Variants in JARID2 observed in about 807,000 individuals in gnomAD.
The protein encoded by JARID2 is protein Jumonji.
In JARID2, 21 loss-of-function variants were observed where a neutral mutation model predicts 125.6. The ratio of observed to expected loss-of-function variants is 0.17; its 90% CI spans 0.12 to 0.24. The LOEUF (loss-of-function observed/expected upper bound fraction) is 0.24. Ranked by LOEUF, JARID2 falls within the 10% of genes least tolerant of loss-of-function variation. The pLI is 1.00. For synonymous variants in JARID2, 736 were observed against 661.6 expected (o/e 1.11, Z -1.73); for missense variants, 1,303 against 1,639.6 (o/e 0.79, Z 3.55).
intron 5 of JARID2, 122 bp downstream of exon 5, chr6:15,468,840 C>A (rs1768876180): frequency 3.4e-6 from 3 of 888,104 alleles, no homozygotes; most frequent in East Asian, 2.6e-5. Flanking sequence ...TTCTCCAGGG[C>A]CAGACACTTC....
Position 15,513,374 on chromosome 6 carries a change from G to C in JARID2, c.3402G>C (p.Thr1134=), listed in dbSNP as rs201678814. 28 of 1,613,182 alleles carry C rather than the reference G, an allele frequency of 1.7e-5. No homozygotes were observed. The highest frequency in any genetic ancestry group is 2.4e-5 in the Non-Finnish European group (28 of 1,179,618). Residue 1134 remains threonine, a synonymous_variant, in exon 16 of 18, where the codon ACG becomes ACC. Transcript: ENST00000341776. ...CTCGAAAGTGGCTGCAGTTGGAGAC[G>C]TCAGAGAGGAGGTGTCAGATCTGCC... ...KKPRKWLQLE[T]SERRCQICQH...
intron 1 of JARID2, among the ~76,000 whole-genome samples, chr6:15,333,122 C>T (rs1243638018): frequency 3.3e-5 from 5 of 151,620 alleles, no homozygotes; most frequent in East Asian, 1.9e-4. Flanking sequence ...TTAGTAGAGA[C>T]GGGGTTTCAC....
At chr6:15,393,144 CT>C (rs1280201504) in intron 2 of JARID2, among the ~76,000 whole-genome samples, 1 of 152,116 alleles carries the variant, frequency 6.6e-6, no homozygotes, top group Non-Finnish European at 1.5e-5. Context: ...GGCAGGAAGT[CT>C]TTCTGGGTAT....
chr6:15,275,407 TCA>T (rs1016416850), intron 1 of JARID2, among the ~76,000 whole-genome samples: 1 of 152,028 alleles, frequency 6.6e-6, no homozygotes, highest in Admixed American at 6.6e-5. Context: ...ACCGGTTAAT[TCA>T]CAGTCACCTG....
At chr6:15,427,636 C>G (rs138763349) in intron 3 of JARID2, among the ~76,000 whole-genome samples, 84 of 152,252 alleles carry the variant, frequency 5.5e-4, no homozygotes, top group African/African-American at 1.9e-3. Context: ...TTTCACACCC[C>G]CAAAGGACAA....
At chr6:15,444,735 A>ATTT (rs5874512) in intron 3 of JARID2, among the ~76,000 whole-genome samples, 46 of 91,912 alleles carry the variant, frequency 5.0e-4, no homozygotes, top group East Asian at 9.3e-4. Flanking sequence ...GAACTGTCTG[A>ATTT]TTTTTTTTTT....
chr6:15,374,015 C>A, intron 1 of JARID2, 102 bp from the exon 2 acceptor site: 2 of 1,338,860 alleles, frequency 1.5e-6, no homozygotes, highest in Non-Finnish European at 2.1e-6. Flanking sequence ...CGTGGTCACA[C>A]AGTACGTGTT....
chr6:15,435,758 G>A (rs995005221), intron 3 of JARID2, among the ~76,000 whole-genome samples: 2 of 151,614 alleles, frequency 1.3e-5, no homozygotes, highest in Non-Finnish European at 2.9e-5. Context: ...ATTTGAAATC[G>A]AGTAGATTAA....
At chr6:15,449,712 A>G (rs1415682984) in intron 3 of JARID2, among the ~76,000 whole-genome samples, 3 of 152,030 alleles carry the variant, frequency 2.0e-5, no homozygotes, top group South Asian at 2.1e-4. Context: ...AATGACCTAC[A>G]TTGTTTGTAG....
At chr6:15,350,556 C>T (rs975949253) in intron 1 of JARID2, among the ~76,000 whole-genome samples, 1 of 152,106 alleles carries the variant, frequency 6.6e-6, no homozygotes, top group Non-Finnish European at 1.5e-5. Context: ...GACAAACAAC[C>T]CATTTGCATC....
chr6:15,271,458 GAAGGGTAGGGTTCCCAAT>G (rs1383528735), intron 1 of JARID2, among the ~76,000 whole-genome samples: 1 of 152,144 alleles, frequency 6.6e-6, no homozygotes, highest in Admixed American at 6.5e-5. Flanking sequence ...CCTGAGCATC[GAAGGGTAGGGTTCCCAAT>G]AAGATCTCTG....
chr6:15,455,031 A>G (rs1274751107), intron 4 of JARID2, among the ~76,000 whole-genome samples: 1 of 152,072 alleles, frequency 6.6e-6, no homozygotes, highest in Non-Finnish European at 1.5e-5. Flanking sequence ...ATCAGCAGCA[A>G]TGTGATTCAG....
intron 17 of JARID2, among the ~76,000 whole-genome samples, chr6:15,518,995 T>C (rs1771697585): frequency 6.6e-6 from 1 of 152,156 alleles, no homozygotes; most frequent in Non-Finnish European, 1.5e-5. Context: ...GGTGAAGCTC[T>C]CTGGGGAGTT....
At position 15,513,565 on chromosome 6, in the gene JARID2, C is replaced by T. The variant is rs1009338365; in HGVS notation, c.3450+143C>T. ...TCTGGAGCCGGCTGTGGGACCTCGG[C>T]GGAGCTTCTGGCCGCCGGAGGTGGC... On this transcript the variant is annotated intron_variant, in intron 16 of 17. Coordinates refer to ENST00000341776, the MANE Select transcript of JARID2 (RefSeq NM_004973.4). 2.8e-5 allele frequency: 23 copies of T among 825,566 alleles called. 1 individual carries two copies. Among genetic ancestry groups the T allele is most frequent in the South Asian group, 2.7e-4 (14 of 52,210 alleles). The allele number at this position is 825,566 out of a possible 1,614,324, so 51.1% of individuals were successfully genotyped here.
rs66481311 is a variant in JARID2 at position 15,424,133 on chromosome 6, C to CTTTT, written c.323+13781_323+13784dup. ...TGTATGTATTCATCCCTGGCTGCCTCTTTTTTTTTTTTTTTTAAGAGATGG... is the reference window on the plus strand; with the variant it reads ...TGTATGTATTCATCCCTGGCTGCCTCTTTTTTTTTTTTTTTTTTTTAAGAGATGG... On this transcript the variant is annotated intron_variant, in intron 3 of 17. Coordinates refer to ENST00000341776, the MANE Select transcript of JARID2 (RefSeq NM_004973.4). Among the ~76,000 whole-genome samples, 862 of 141,174 alleles carry CTTTT rather than the reference C, an allele frequency of 6.1e-3. 7 individuals are homozygous for CTTTT. The highest frequency in any genetic ancestry group is 0.018 in the Middle Eastern group (5 of 272). The allele number at this position is 141,174 out of a possible 152,430, so 92.6% of individuals were successfully genotyped here. A position where few individuals can be genotyped will look rare whatever the true frequency, so the allele number is the denominator to read the frequency against.
intron 2 of JARID2, among the ~76,000 whole-genome samples, chr6:15,395,917 C>T (rs910883502): frequency 6.6e-6 from 1 of 152,192 alleles, no homozygotes; most frequent in Non-Finnish European, 1.5e-5. Flanking sequence ...CCCGCCTTGG[C>T]CTCCCTAAGT....
In JARID2 at chr6:15,343,808, G is replaced by T. The variant is rs138790431; in HGVS notation, c.46-30309G>T. Among the ~76,000 whole-genome samples, 25 of 152,346 alleles carry T rather than the reference G, an allele frequency of 1.6e-4. No individual in the cohort carries two copies. In the East Asian group the frequency reaches 4.8e-3, roughly 29 times the overall value. ...CCAGCTAGACAAGCAAGTGCTGGTG[G>T]TGAGTTGTTAGATTAAAAAAACAAA... On this transcript the variant is annotated intron_variant, in intron 1 of 17. Transcript: ENST00000341776.
chr6:15,485,195 T>TC (rs1375262218), intron 5 of JARID2, among the ~76,000 whole-genome samples: 1 of 152,242 alleles, frequency 6.6e-6, no homozygotes, highest in Non-Finnish European at 1.5e-5. Context: ...GGTCTTTCCT[T>TC]CAGTATTTTA....
chr6:15,322,856 CAAAAT>C (rs1193673449), intron 1 of JARID2, among the ~76,000 whole-genome samples: 1 of 152,142 alleles, frequency 6.6e-6, no homozygotes, highest in Non-Finnish European at 1.5e-5. Context: ...TGTCTTCAAA[CAAAAT>C]AAAACTTTCC....
Sources: gnomAD v4.1 joint callset for allele counts (sites outside exome capture counted in the v4.1 genomes callset) on GRCh38, gnomAD v4.1.1 for gene constraint, MANE v1.5 for transcripts, NCBI Gene and HGNC (gene_info 2026-07-23, HGNC 2026-07-21) for gene names.